Variants in KLHL4 observed in about 807,000 individuals in gnomAD.
KLHL4 encodes kelch-like protein 4.
KLHL4 carries 17 observed loss-of-function variants against 45.8 expected under a neutral mutation model. The observed-to-expected ratio is 0.37, with a 90% CI of 0.25 to 0.56. The LOEUF (loss-of-function observed/expected upper bound fraction) is 0.56. Among genes scored for constraint, KLHL4 ranks in the 20% least tolerant of loss-of-function variants. The pLI is 0.79. For synonymous variants in KLHL4, 224 were observed against 189.9 expected, an observed-to-expected ratio of 1.18 and a Z score of -1.47; for missense variants, 544 against 544.9, an observed-to-expected ratio of 1.00 and a Z score of 0.02.
rs183068596 is a variant in KLHL4 at position 87,655,535 on chromosome X, T to A, written c.1926-9229T>A. On this transcript the variant is annotated intron_variant, in intron 9 of 10. Transcript: ENST00000373119. ...GCTTGCTTTTGTTTTCCATTTAAAT[T>A]GAATATTTTTTTCCACCCCATTAAC... Among the ~76,000 whole-genome samples the A allele has an allele frequency of 7.1e-4, 79 of 111,780 alleles. 1 individual carries two copies. The highest frequency in any genetic ancestry group is 5.6e-3 in the Admixed American group (59 of 10,472).
intron 6 of KLHL4, among the ~76,000 whole-genome samples, chrX:87,627,404 A>G (rs1184013685): frequency 4.5e-5 from 5 of 111,716 alleles, no homozygotes; most frequent in African/African-American, 1.6e-4. Flanking sequence ...CTGGAATCAC[A>G]TTATTTTCTT....
chrX:87,547,072 T>C (rs1931699006), intron 1 of KLHL4, among the ~76,000 whole-genome samples: 1 of 111,655 alleles, frequency 9.0e-6, no homozygotes, highest in East Asian at 2.8e-4. Flanking sequence ...GAGTTAAGAA[T>C]TGGGGTACTG....
chrX:87,617,859 A>T, intron 3 of KLHL4, 73 bp from the exon 4 acceptor site: 1 of 910,993 alleles, frequency 1.1e-6, no homozygotes, highest in Non-Finnish European at 1.5e-6. Context: ...AATAAAAAAA[A>T]AATGTCAACT....
chrX:87,532,552 C>T (rs1931318136), intron 1 of KLHL4, among the ~76,000 whole-genome samples: 2 of 104,251 alleles, frequency 1.9e-5, no homozygotes, highest in Admixed American at 2.1e-4. Context: ...GATATTGATT[C>T]TTCCTACCCA....
chrX:87,648,594 G>A (rs1346063961), intron 9 of KLHL4, among the ~76,000 whole-genome samples: 1 of 111,015 alleles, frequency 9.0e-6, no homozygotes, highest in African/African-American at 3.3e-5. Context: ...GGAAGAAATT[G>A]GTCAAACAAT....
chrX:87,649,927 ACTT>A (rs1923754094), intron 9 of KLHL4, among the ~76,000 whole-genome samples: 1 of 110,979 alleles, frequency 9.0e-6, no homozygotes, highest in Non-Finnish European at 1.9e-5. Flanking sequence ...AGTATACTAA[ACTT>A]CTTAATCAGG....
intron 1 of KLHL4, among the ~76,000 whole-genome samples, chrX:87,556,881 C>A (rs1045952095): frequency 2.7e-5 from 3 of 110,505 alleles, no homozygotes; most frequent in Non-Finnish European, 5.7e-5. Context: ...TGGAGGGGCA[C>A]TAATAGAAGC....
At chrX:87,594,370 T>C (rs1312996093) in intron 1 of KLHL4, among the ~76,000 whole-genome samples, 1 of 111,571 alleles carries the variant, frequency 9.0e-6, no homozygotes, top group Non-Finnish European at 1.9e-5. Context: ...TGAATTTGAG[T>C]TCTAATTCCT....
rs185872700 is a variant in KLHL4, at chrX:87,632,498, T to C, written c.1549+64T>C. The C allele has an allele frequency of 1.3e-4, 95 of 754,891 alleles. No homozygotes were observed. In the African/African-American group the frequency reaches 1.8e-3, roughly 14 times the overall value. 62.2% of individuals were successfully genotyped at this position (754,891 alleles called of 1,213,427 possible). ...GTAAGTAGAGTTTTTAAAAATTAAA[T>C]CTAGCAGCACATTATTGGGATTTAG... is the stretch of plus-strand genomic sequence containing the variant. On this transcript the variant is annotated intron_variant, in intron 7 of 10. Transcript: ENST00000373119.
At chrX:87,665,125 T>C (rs2147845027) in intron 10 of KLHL4, among the ~76,000 whole-genome samples, 190 bp downstream of exon 10, 1 of 111,703 alleles carries the variant, frequency 9.0e-6, no homozygotes, top group Non-Finnish European at 1.9e-5. Context: ...TATGACATGA[T>C]AGTTGATAGC....
intron 7 of KLHL4, 82 bp downstream of exon 7, chrX:87,632,516 G>T (rs1026571095): frequency 3.5e-5 from 21 of 598,569 alleles, no homozygotes; most frequent in Non-Finnish European, 5.0e-5. Context: ...CACATTATTG[G>T]GATTTAGCCA....
chrX:87,598,407 T>C (rs1174551371), intron 1 of KLHL4, among the ~76,000 whole-genome samples: 1 of 110,958 alleles, frequency 9.0e-6, no homozygotes. Flanking sequence ...TTATTATAGT[T>C]AATGTGAATA....
chrX:87,524,126 G>T (rs1391156609), intron 1 of KLHL4, among the ~76,000 whole-genome samples: 1 of 110,589 alleles, frequency 9.0e-6, no homozygotes, highest in Non-Finnish European at 1.9e-5. Context: ...CTTTCCAAAG[G>T]GTCGAGTACG....
intron 2 of KLHL4, 136 bp from the exon 3 acceptor site, chrX:87,614,298 A>G (rs1354763310): frequency 3.2e-5 from 20 of 624,317 alleles, no homozygotes; most frequent in Non-Finnish European, 4.6e-5. Context: ...TTCTAACTTC[A>G]CTACATTTAA....
At chrX:87,627,739 AT>A in intron 6 of KLHL4, among the ~76,000 whole-genome samples, 1 of 111,980 alleles carries the variant, frequency 8.9e-6, no homozygotes, top group Non-Finnish European at 1.9e-5. Context: ...AAGAGAACTA[AT>A]TTAAAAATGC....
At chrX:87,630,469 A>G (rs1359148567) in intron 6 of KLHL4, among the ~76,000 whole-genome samples, 1 of 110,896 alleles carries the variant, frequency 9.0e-6, no homozygotes, top group African/African-American at 3.3e-5. Flanking sequence ...GGTGTGCTGC[A>G]CCCATTAACT....
At chrX:87,633,992 T>C in intron 8 of KLHL4, 81 bp downstream of exon 8, 5 of 810,170 alleles carry the variant, frequency 6.2e-6, no homozygotes, top group Non-Finnish European at 8.6e-6. Context: ...ATCCAATCAA[T>C]TAGCATTCCA....
intron 1 of KLHL4, among the ~76,000 whole-genome samples, chrX:87,610,440 G>A (rs181702953): frequency 1.8e-5 from 2 of 111,724 alleles, no homozygotes; most frequent in East Asian, 5.7e-4. Flanking sequence ...ACCATATTGG[G>A]TAGTATTTGG....
chrX:87,616,186 A>C (rs1402782892), intron 3 of KLHL4, among the ~76,000 whole-genome samples: 1 of 110,759 alleles, frequency 9.0e-6, no homozygotes, highest in Non-Finnish European at 1.9e-5. Flanking sequence ...TTTAGGAGGG[A>C]TATGTATGGA....
Sources: gnomAD v4.1 joint callset for allele counts (sites outside exome capture counted in the v4.1 genomes callset) on GRCh38, gnomAD v4.1.1 for gene constraint, MANE v1.5 for transcripts, NCBI Gene and HGNC (gene_info 2026-07-23, HGNC 2026-07-21) for gene names.